Variants in FANK1 observed in about 807,000 individuals in gnomAD.
The protein encoded by FANK1 is fibronectin type 3 and ankyrin repeat domains protein 1.
A neutral mutation model predicts 45.3 loss-of-function variants in FANK1; 44 were observed. That is an observed-to-expected ratio of 0.97 (90% confidence interval 0.76 to 1.25). The LOEUF is 1.25. FANK1 is among the 50% of genes most tolerant of loss of function. FANK1 has a pLI of 0.00. For synonymous variants in FANK1, 149 were observed against 152.5 expected (o/e 0.98, Z 0.17); for missense variants, 391 against 424.4 (o/e 0.92, Z 0.69).
rs931315574 is a variant in FANK1 at position 125,963,610 on chromosome 10, G to A, written c.14-16551G>A. 9.9e-5 allele frequency among the ~76,000 whole-genome samples: 15 copies of A among 152,218 alleles called. 1 individual carries two copies. The South Asian group carries it at 3.1e-3, about 32-fold the overall frequency. On this transcript the variant is annotated intron_variant, in intron 1 of 10. Coordinates refer to ENST00000368693, the MANE Select transcript of FANK1 (RefSeq NM_145235.5). Reference sequence around the variant, plus strand: ...CCTTTGTAGGGACATGGATGAAGCTGGAAACCATCATTCTCAGCAAACTAT... The same window carrying A: ...CCTTTGTAGGGACATGGATGAAGCTAGAAACCATCATTCTCAGCAAACTAT...
intron 5 of FANK1, 62 bp downstream of exon 5, chr10:125,996,686 C>T: frequency 6.5e-7 from 1 of 1,539,332 alleles, no homozygotes; most frequent in South Asian, 1.1e-5. Context: ...TATTCAAAGG[C>T]TCTGGTCAGG....
chr10:125,913,193 A>G (rs1253620912), intron 1 of FANK1, among the ~76,000 whole-genome samples: 6 of 152,164 alleles, frequency 3.9e-5, no homozygotes, highest in Non-Finnish European at 8.8e-5. Context: ...CCAACAGGTG[A>G]TTCTAAAGAT....
intron 1 of FANK1, among the ~76,000 whole-genome samples, chr10:125,939,059 T>C (rs910911306): frequency 2.0e-5 from 3 of 152,206 alleles, no homozygotes; most frequent in Admixed American, 6.5e-5. Context: ...GTATCATCTA[T>C]GTATTCTTTT....
At chr10:125,986,190 A>C (rs567430462) in intron 2 of FANK1, among the ~76,000 whole-genome samples, 1 of 152,172 alleles carries the variant, frequency 6.6e-6, no homozygotes, top group Non-Finnish European at 1.5e-5. Flanking sequence ...AGATGATGTC[A>C]GTTAGGAGAC....
intron 3 of FANK1, among the ~76,000 whole-genome samples, chr10:125,989,054 A>G (rs73370565): frequency 0.021 from 3,238 of 152,216 alleles, 126 homozygotes; most frequent in African/African-American, 0.072. Flanking sequence ...ATTCAGTGTC[A>G]TATCCATTTT....
intron 1 of FANK1, among the ~76,000 whole-genome samples, chr10:125,966,139 T>C (rs1245556319): frequency 1.3e-5 from 2 of 152,152 alleles, no homozygotes; most frequent in Admixed American, 1.3e-4. Flanking sequence ...GTTTTTGATG[T>C]TTGAACTGAT....
rs142360753 is a variant in FANK1, at chr10:125,980,111, C to T, written c.14-50C>T. 3.8e-4 allele frequency: 605 copies of T among 1,579,276 alleles called. 7 individuals carry two copies. The East Asian group carries it at 0.012, about 32-fold the overall frequency. On this transcript the variant is annotated intron_variant, in intron 1 of 10. Transcript: ENST00000368693. ...GCTGTAATCCACTCGACTGGTCTCT[C>T]TTCCTTATGGAAACTGGGTCCTGAA...
At chr10:126,007,402 T>C (rs529322769) in intron 7 of FANK1, among the ~76,000 whole-genome samples, 1 of 152,320 alleles carries the variant, frequency 6.6e-6, no homozygotes, top group South Asian at 2.1e-4. Context: ...TCATGTAATA[T>C]GAGGTGCTTA....
intron 1 of FANK1, among the ~76,000 whole-genome samples, chr10:125,974,617 G>C (rs1950738939): frequency 6.6e-6 from 1 of 152,184 alleles, no homozygotes; most frequent in Admixed American, 6.5e-5. Context: ...GAGATATTCT[G>C]TGTTTTTCTT....
At chr10:125,997,833 C>T (rs1397742015) in intron 6 of FANK1, among the ~76,000 whole-genome samples, 3 of 152,216 alleles carry the variant, frequency 2.0e-5, no homozygotes, top group East Asian at 1.9e-4. Flanking sequence ...CCTGGCACCC[C>T]GTGCCTCTCT....
intron 1 of FANK1, among the ~76,000 whole-genome samples, chr10:125,959,621 C>T (rs1443427592): frequency 1.3e-5 from 2 of 152,092 alleles, no homozygotes; most frequent in Admixed American, 6.5e-5. Context: ...AATGAAACAA[C>T]CTTCTCATTT....
intron 1 of FANK1, among the ~76,000 whole-genome samples, chr10:125,963,451 G>A (rs1440162080): frequency 3.9e-5 from 6 of 152,184 alleles, no homozygotes; most frequent in Non-Finnish European, 7.3e-5. Flanking sequence ...GCACAGGTAC[G>A]TTTATTGCGG....
chr10:125,904,255 A>G (rs528406683), intron 1 of FANK1, among the ~76,000 whole-genome samples: 198 of 152,370 alleles, frequency 1.3e-3, no homozygotes, highest in Non-Finnish European at 6.8e-4. Flanking sequence ...AAAAGGTTGT[A>G]TACCTACTGT....
chr10:125,981,030 CTTG>C (rs1479317359), intron 2 of FANK1: 4 of 152,146 alleles, frequency 2.6e-5, no homozygotes, highest in East Asian at 3.9e-4. Flanking sequence ...GTTTGTTTAC[CTTG>C]TTGTTTACTT....
At chr10:125,916,572 G>A (rs1564868179) in intron 1 of FANK1, among the ~76,000 whole-genome samples, 1 of 152,044 alleles carries the variant, frequency 6.6e-6, no homozygotes, top group East Asian at 1.9e-4. Flanking sequence ...CAAGCCAAGT[G>A]TCTATCTGCA....
chr10:125,988,809 T>G, intron 3 of FANK1, 134 bp downstream of exon 3: 1 of 1,328,426 alleles, frequency 7.5e-7, no homozygotes, highest in Non-Finnish European at 1.1e-6. Context: ...ACTGCAATAA[T>G]ATTTGCTAGT....
At chr10:125,969,098 TC>T (rs1301248622) in intron 1 of FANK1, among the ~76,000 whole-genome samples, 1 of 152,182 alleles carries the variant, frequency 6.6e-6, no homozygotes, top group Non-Finnish European at 1.5e-5. Context: ...TTACTGTTGT[TC>T]TTCCTTTTTC....
chr10:125,973,467 G>A, intron 1 of FANK1: 1 of 985,276 alleles, frequency 1.0e-6, no homozygotes, highest in Non-Finnish European at 1.2e-6. Flanking sequence ...AGAATTGCTG[G>A]GATTCAGTGA....
At chr10:125,925,795 C>G (rs1419915978) in intron 1 of FANK1, among the ~76,000 whole-genome samples, 1 of 149,384 alleles carries the variant, frequency 6.7e-6, no homozygotes, top group Non-Finnish European at 1.5e-5. Flanking sequence ...AACAATTTAT[C>G]CATCTTTAAC....
Sources: allele counts gnomAD v4.1 joint callset (sites outside exome capture counted in the v4.1 genomes callset), GRCh38; gene constraint gnomAD v4.1.1; transcripts MANE v1.5; gene names NCBI Gene and HGNC (gene_info 2026-07-23, HGNC 2026-07-21).